SVOPL: variants seen among roughly 807,000 people sequenced by gnomAD.
SVOPL encodes the protein SVOP like.
Under a neutral mutation model 61.0 loss-of-function variants are expected in SVOPL, and 60 were observed. The observed-to-expected ratio is 0.98, with a 90% CI of 0.80 to 1.22. The LOEUF is 1.22. SVOPL is among the 50% of genes most tolerant of loss of function. SVOPL has a pLI of 0.00. For synonymous variants in SVOPL, 279 were observed against 250.0 expected, an observed-to-expected ratio of 1.12 and a Z score of -1.09; for missense variants, 662 against 643.9, an observed-to-expected ratio of 1.03 and a Z score of -0.30.
At chr7:138,641,478 C>T (rs966750272) in intron 9 of SVOPL, among the ~76,000 whole-genome samples, 6 of 151,824 alleles carry the variant, frequency 4.0e-5, no homozygotes, top group African/African-American at 7.3e-5. Context: ...TGAGACCAGC[C>T]TGACCAACAT....
chr7:138,675,997 C>T (rs115586777), intron 3 of SVOPL, among the ~76,000 whole-genome samples: 2,167 of 152,212 alleles, frequency 0.014, 59 homozygotes, highest in African/African-American at 0.05. Context: ...TGCCACCACA[C>T]ATAGTTTTTT....
intron 5 of SVOPL, 112 bp from the exon 6 acceptor site, chr7:138,660,100 G>A: frequency 6.7e-7 from 1 of 1,485,876 alleles, no homozygotes; most frequent in Non-Finnish European, 9.0e-7. Flanking sequence ...CTTCTCTGAG[G>A]AGCTAACCTG....
Position 138,659,918 on chromosome 7 carries a change from C to G in SVOPL, c.416G>C (p.Trp139Ser), listed in dbSNP as rs1442007776. 3.9e-6 allele frequency: 6 copies of G among 1,551,530 alleles called. No individual in the cohort carries two copies. ...CACCATCGTCCGCAGGAAGACAAACCAGATGTACGAAGGAGCAAACGAGGT... is the reference window on the plus strand; with the variant it reads ...CACCATCGTCCGCAGGAAGACAAACGAGATGTACGAAGGAGCAAACGAGGT... ...LLTSFAPSYI[W>S]FVFLRTMVGC... The change falls in exon 6 of 16, where the codon TGG becomes TCG. Residue 139 changes from tryptophan to serine, a missense_variant. By Grantham distance (177) the Trp-to-Ser change is radical. Transcript: ENST00000674285.
chr7:138,622,270 G>GTATCTATCTATCTATGTATC (rs1799694968), intron 13 of SVOPL, among the ~76,000 whole-genome samples: 2 of 83,798 alleles, frequency 2.4e-5, no homozygotes, highest in South Asian at 4.2e-4. Flanking sequence ...ATCTATCTAT[G>GTATCTATCTATCTATGTATC]TATCTATCTA....
At chr7:138,622,094 C>CTATGTATGTATGTATGTATG (rs1563096191) in intron 13 of SVOPL, among the ~76,000 whole-genome samples, 1 of 46,772 alleles carries the variant, frequency 2.1e-5, no homozygotes, top group Non-Finnish European at 4.3e-5. Flanking sequence ...ATCTATGTAT[C>CTATGTATGTATGTATGTATG]TATCTATCTA....
rs770404185 is a variant in SVOPL at position 138,615,560 on chromosome 7, CAAAAAAA to C, written c.1353+5479_1353+5485del. On this transcript the variant is annotated intron_variant, in intron 14 of 15. Transcript: ENST00000674285. Reference sequence around the variant, plus strand: ...GGGTGACAGAGCGAGACTCCGTCTCCAAAAAAAAAAAAAAAAAAAAAAAAAAAAGTTT... The same window carrying C: ...GGGTGACAGAGCGAGACTCCGTCTCCAAAAAAAAAAAAAAAAAAAAAGTTT... 1.3e-3 allele frequency among the ~76,000 whole-genome samples: 7 copies of C among 5,540 alleles called. 1 individual carries two copies. Among genetic ancestry groups the C allele is most frequent in the Admixed American group, 3.6e-3 (1 of 274 alleles). 3.6% of individuals were successfully genotyped at this position (5,540 alleles called of 152,430 possible).
At chr7:138,621,220 G>T in intron 13 of SVOPL, 85 bp from the exon 14 acceptor site, 2 of 1,105,316 alleles carry the variant, frequency 1.8e-6, no homozygotes, top group Non-Finnish European at 1.3e-6. Context: ...CCCAGGTCAG[G>T]TTTTGGAATG....
chr7:138,622,126 C>G (rs1289121544), intron 13 of SVOPL, among the ~76,000 whole-genome samples: 98 of 72,434 alleles, frequency 1.4e-3, no homozygotes, highest in African/African-American at 2.6e-3. Flanking sequence ...ATCTATGTAT[C>G]TATCTATCTA....
At chr7:138,663,183 GGTTT>G in intron 4 of SVOPL, 38 bp from the exon 5 acceptor site, 1 of 1,600,368 alleles carries the variant, frequency 6.2e-7, no homozygotes, top group Non-Finnish European at 8.5e-7. Context: ...TCTCTAAGCA[GGTTT>G]TACATGTTAC....
intron 8 of SVOPL, among the ~76,000 whole-genome samples, chr7:138,648,167 CA>C (rs1801215744): frequency 6.6e-6 from 1 of 151,992 alleles, no homozygotes; most frequent in Non-Finnish European, 1.5e-5. Context: ...CAACAGCATC[CA>C]ACAGGTGGTG....
intron 7 of SVOPL, among the ~76,000 whole-genome samples, chr7:138,653,577 A>G (rs773412302): frequency 4.0e-5 from 6 of 151,868 alleles, no homozygotes; most frequent in Non-Finnish European, 8.8e-5. Flanking sequence ...TGAGGCAACC[A>G]GATCACTTGA....
chr7:138,646,819 A>T (rs1463652571), intron 8 of SVOPL, among the ~76,000 whole-genome samples: 1 of 152,146 alleles, frequency 6.6e-6, no homozygotes, highest in Non-Finnish European at 1.5e-5. Context: ...ATGTCTGGCC[A>T]GCAGAAAGTC....
chr7:138,660,683 G>A, intron 5 of SVOPL: 1 of 985,288 alleles, frequency 1.0e-6, no homozygotes, highest in Non-Finnish European at 1.2e-6. Context: ...GATATCTTTA[G>A]CAAGCTAGAT....
At chr7:138,661,005 T>C in intron 5 of SVOPL, 1 of 983,018 alleles carries the variant, frequency 1.0e-6, no homozygotes, top group South Asian at 4.7e-5. Flanking sequence ...TCAAAGTTTC[T>C]TGATAATTTG....
chr7:138,692,621 A>T (rs558022844), intron 1 of SVOPL, among the ~76,000 whole-genome samples: 142 of 152,338 alleles, frequency 9.3e-4, no homozygotes, highest in African/African-American at 3.3e-3. Flanking sequence ...AATGTGGCAT[A>T]GTTTTAGGCA....
chr7:138,626,934 A>G (rs925300922), intron 12 of SVOPL, among the ~76,000 whole-genome samples: 5 of 152,188 alleles, frequency 3.3e-5, no homozygotes, highest in African/African-American at 9.7e-5. Flanking sequence ...GATACATATC[A>G]GAGCTCAGGC....
At chr7:138,677,741 A>G (rs1216024391) in intron 3 of SVOPL, among the ~76,000 whole-genome samples, 1 of 122,224 alleles carries the variant, frequency 8.2e-6, no homozygotes, top group Admixed American at 7.9e-5. Context: ...AGTCTACACA[A>G]TCTTTTTTTT....
intron 1 of SVOPL, chr7:138,689,186 G>T: frequency 8.7e-7 from 1 of 1,149,426 alleles, no homozygotes; most frequent in Non-Finnish European, 1.3e-6. Flanking sequence ...GAGTGGGCAG[G>T]TGTGCCCAGG....
chr7:138,615,560 C>CAAAAAAAAAAAAAA lies in SVOPL; in HGVS notation c.1353+5472_1353+5485dup, dbSNP rs770404185. Among the ~76,000 whole-genome samples the CAAAAAAAAAAAAAA allele has an allele frequency of 7.4e-3, 41 of 5,540 alleles. 6 individuals carry two copies. The highest frequency in any genetic ancestry group is 0.013 in the African/African-American group (39 of 3,012). The allele number at this position is 5,540 out of a possible 152,430, so 3.6% of individuals were successfully genotyped here. A position where few individuals can be genotyped will look rare whatever the true frequency, so the allele number is the denominator to read the frequency against. On this transcript the variant is annotated intron_variant, in intron 14 of 15. Transcript: ENST00000674285. ...GGGTGACAGAGCGAGACTCCGTCTC[C>CAAAAAAAAAAAAAA]AAAAAAAAAAAAAAAAAAAAAAAAA... is the stretch of plus-strand genomic sequence containing the variant.
Sources: allele counts gnomAD v4.1 joint callset (sites outside exome capture counted in the v4.1 genomes callset), GRCh38; gene constraint gnomAD v4.1.1; transcripts MANE v1.5; gene names NCBI Gene and HGNC (gene_info 2026-07-23, HGNC 2026-07-21).